The following IL1RAPL1 variants were observed in gnomAD, a reference collection of about 807,000 sequenced individuals.
IL1RAPL1 encodes interleukin-1 receptor accessory protein-like 1.
A neutral mutation model predicts 48.4 loss-of-function variants in IL1RAPL1; 3 were observed. The observed-to-expected ratio is 0.06, with a 90% CI of 0.03 to 0.16. The LOEUF (loss-of-function observed/expected upper bound fraction) is 0.16, where lower values mean the gene tolerates loss of function less well. IL1RAPL1 is among the 10% of genes least tolerant of loss of function. The probability of loss-of-function intolerance (pLI) is 1.00; values close to 1 mark genes in which losing one functional copy is unlikely to be tolerated. For missense variants in IL1RAPL1, 349 were observed against 530.6 expected (o/e 0.66, Z 3.36); for synonymous variants, 185 against 187.7 (o/e 0.99, Z 0.12).
At chrX:29,617,071 G>C (rs765060450) in intron 5 of IL1RAPL1, among the ~76,000 whole-genome samples, 15 of 111,090 alleles carry the variant, frequency 1.4e-4, no homozygotes, top group African/African-American at 4.3e-4. Flanking sequence ...ACTGCCACAG[G>C]ATATATAGGA....
chrX:29,660,963 A>G (rs1394275908), intron 5 of IL1RAPL1, among the ~76,000 whole-genome samples: 1 of 112,151 alleles, frequency 8.9e-6, no homozygotes, highest in Non-Finnish European at 1.9e-5. Flanking sequence ...AATGTATGAT[A>G]TGAGTGTGGG....
intron 2 of IL1RAPL1, among the ~76,000 whole-genome samples, chrX:29,176,168 A>C (rs1347474527): frequency 1.0e-5 from 1 of 98,176 alleles, no homozygotes; most frequent in Non-Finnish European, 2.0e-5. Flanking sequence ...ATCTCGGCTC[A>C]CTACAAGCTC....
intron 6 of IL1RAPL1, among the ~76,000 whole-genome samples, chrX:29,870,143 C>T (rs751315697): frequency 8.9e-6 from 1 of 112,125 alleles, no homozygotes; most frequent in Non-Finnish European, 1.9e-5. Flanking sequence ...TGTTATAAAA[C>T]ATCATTCAGA....
At chrX:28,603,409 A>C (rs780121934) in intron 1 of IL1RAPL1, among the ~76,000 whole-genome samples, 1 of 112,096 alleles carries the variant, frequency 8.9e-6, no homozygotes, top group East Asian at 2.8e-4. Flanking sequence ...CACGTGAATA[A>C]CTTTAGTTTC....
intron 5 of IL1RAPL1, among the ~76,000 whole-genome samples, chrX:29,490,374 A>C (rs1288367074): frequency 4.5e-5 from 5 of 109,954 alleles, no homozygotes; most frequent in African/African-American, 1.3e-4. Flanking sequence ...TCTACAAAAA[A>C]ATACAAAAAT....
intron 5 of IL1RAPL1, among the ~76,000 whole-genome samples, chrX:29,418,112 TATA>T (rs1934242271): frequency 4.9e-4 from 24 of 49,004 alleles, no homozygotes; most frequent in Non-Finnish European, 7.1e-4. Flanking sequence ...TATATATATA[TATA>T]TATATATATA....
chrX:28,628,249 T>C lies in IL1RAPL1; in HGVS notation c.-25+40202T>C, dbSNP rs73205765. On this transcript the variant is annotated intron_variant, in intron 1 of 10. Transcript: ENST00000378993. ...CTCAGGACTGGCAGATTGTGATGTC[T>C]GCTGCAATCTATTAACCAAAAGAAG... Among the ~76,000 whole-genome samples the C allele has an allele frequency of 2.5e-3, 282 of 112,140 alleles. 2 individuals carry two copies. Among genetic ancestry groups the C allele is most frequent in the African/African-American group, 7.3e-3 (225 of 30,884 alleles).
intron 2 of IL1RAPL1, among the ~76,000 whole-genome samples, chrX:29,223,257 G>A (rs1931016911): frequency 9.0e-6 from 1 of 111,577 alleles, no homozygotes; most frequent in Non-Finnish European, 1.9e-5. Flanking sequence ...GGAAAAATAC[G>A]TGTATGCACA....
intron 6 of IL1RAPL1, among the ~76,000 whole-genome samples, chrX:29,872,354 A>C (rs1444216149): frequency 8.9e-6 from 1 of 112,082 alleles, no homozygotes; most frequent in African/African-American, 3.2e-5. Context: ...CATGGGAGTC[A>C]ATCCTGAGAA....
intron 2 of IL1RAPL1, among the ~76,000 whole-genome samples, chrX:28,833,367 A>T (rs746802352): frequency 8.9e-6 from 1 of 111,887 alleles, no homozygotes; most frequent in African/African-American, 3.2e-5. Flanking sequence ...GTCAAGTGGT[A>T]GTTCTGTTTT....
intron 2 of IL1RAPL1, among the ~76,000 whole-genome samples, chrX:29,221,101 G>T (rs1930965511): frequency 9.0e-6 from 1 of 111,035 alleles, no homozygotes; most frequent in Non-Finnish European, 1.9e-5. Flanking sequence ...TGTATTTTTA[G>T]TAGAGATGGG....
chrX:29,154,537 CA>C (rs1172822799), intron 2 of IL1RAPL1, among the ~76,000 whole-genome samples: 82 of 94,890 alleles, frequency 8.6e-4, no homozygotes, highest in Admixed American at 9.3e-4. Context: ...GAGACTGTCT[CA>C]AAAAAAAAAA....
chrX:29,142,041 G>C (rs1929254018), intron 2 of IL1RAPL1, among the ~76,000 whole-genome samples: 1 of 111,403 alleles, frequency 9.0e-6, no homozygotes, highest in Non-Finnish European at 1.9e-5. Flanking sequence ...TTCTTTTTCA[G>C]TCAGAACAGA....
intron 9 of IL1RAPL1, among the ~76,000 whole-genome samples, chrX:29,942,065 A>G (rs767546124): frequency 9.8e-5 from 11 of 112,246 alleles, no homozygotes; most frequent in South Asian, 3.7e-4. Context: ...ACTGATTGCA[A>G]TGCCATCAGA....
intron 2 of IL1RAPL1, among the ~76,000 whole-genome samples, chrX:28,990,856 T>G (rs756670826): frequency 1.8e-5 from 2 of 111,737 alleles, no homozygotes; most frequent in Non-Finnish European, 3.8e-5. Flanking sequence ...GAATAGGGAT[T>G]TTTTTCTTCT....
chrX:28,994,072 A>G (rs1282716415), intron 2 of IL1RAPL1, among the ~76,000 whole-genome samples: 1 of 111,048 alleles, frequency 9.0e-6, no homozygotes, highest in Non-Finnish European at 1.9e-5. Flanking sequence ...ATTTTAAGAA[A>G]AAAAAAAGTA....
chrX:28,617,655 G>T (rs916080410), intron 1 of IL1RAPL1, among the ~76,000 whole-genome samples: 1 of 111,910 alleles, frequency 8.9e-6, no homozygotes, highest in Admixed American at 9.5e-5. Flanking sequence ...AACCAGATAT[G>T]GGATCTTACT....
intron 6 of IL1RAPL1, among the ~76,000 whole-genome samples, chrX:29,701,784 C>T (rs1927054515): frequency 9.0e-6 from 1 of 110,802 alleles, no homozygotes; most frequent in Admixed American, 9.6e-5. Flanking sequence ...CTCATTTATA[C>T]CTGTGAGAGT....
intron 2 of IL1RAPL1, among the ~76,000 whole-genome samples, chrX:29,081,020 C>CTCTCTCTCTCT (rs1555960745): frequency 7.2e-5 from 3 of 41,911 alleles, no homozygotes; most frequent in African/African-American, 1.8e-4. Context: ...CTCTCTCTCT[C>CTCTCTCTCTCT]TTTCTTTTCT....
Sources: allele counts gnomAD v4.1 joint callset (sites outside exome capture counted in the v4.1 genomes callset), GRCh38; gene constraint gnomAD v4.1.1; transcripts MANE v1.5; gene names NCBI Gene and HGNC (gene_info 2026-07-23, HGNC 2026-07-21).